SEMA5A: variants seen among roughly 807,000 people sequenced by gnomAD.
SEMA5A encodes the protein semaphorin-5A.
A neutral mutation model predicts 135.5 loss-of-function variants in SEMA5A; 55 were observed. That is an observed-to-expected ratio of 0.41 (90% CI 0.33 to 0.51). The LOEUF (loss-of-function observed/expected upper bound fraction) is 0.51. SEMA5A is among the 20% of genes least tolerant of loss of function. The pLI is 0.37. For missense variants in SEMA5A, 1,290 were observed against 1,419.9 expected (o/e 0.91, Z 1.47); for synonymous variants, 580 against 546.5 (o/e 1.06, Z -0.85).
At chr5:9,318,270 C>T in intron 5 of SEMA5A, 102 bp downstream of exon 5, 1 of 1,147,320 alleles carries the variant, frequency 8.7e-7, no homozygotes, top group South Asian at 1.6e-5. Flanking sequence ...AGCCCCTGCT[C>T]AGGCTGGATT....
At chr5:9,458,914 T>G (rs1175448487) in intron 1 of SEMA5A, among the ~76,000 whole-genome samples, 2 of 152,168 alleles carry the variant, frequency 1.3e-5, no homozygotes, top group Admixed American at 6.5e-5. Context: ...GGGACAACTT[T>G]CAGCTTCAGT....
intron 5 of SEMA5A, among the ~76,000 whole-genome samples, chr5:9,279,849 A>G (rs1291198994): frequency 6.6e-6 from 1 of 152,144 alleles, no homozygotes; most frequent in East Asian, 1.9e-4. Flanking sequence ...GCTTCCTGTT[A>G]AGCCCATGGA....
At chr5:9,502,196 C>T (rs1735635007) in intron 1 of SEMA5A, among the ~76,000 whole-genome samples, 1 of 152,164 alleles carries the variant, frequency 6.6e-6, no homozygotes, top group South Asian at 2.1e-4. Flanking sequence ...TTCCTGTGTT[C>T]AGCATGGTTA....
chr5:9,452,387 A>T (rs1758677329), intron 1 of SEMA5A, among the ~76,000 whole-genome samples: 1 of 152,186 alleles, frequency 6.6e-6, no homozygotes, highest in African/African-American at 2.4e-5. Flanking sequence ...TAGCCCTGTC[A>T]ACAGAAGTCA....
intron 11 of SEMA5A, among the ~76,000 whole-genome samples, chr5:9,156,235 T>C (rs1404855783): frequency 6.6e-6 from 1 of 152,222 alleles, no homozygotes; most frequent in Non-Finnish European, 1.5e-5. Context: ...CAAATTAATT[T>C]TGACTTGGAC....
chr5:9,165,027 A>G (rs904525991), intron 11 of SEMA5A, among the ~76,000 whole-genome samples: 3 of 152,220 alleles, frequency 2.0e-5, no homozygotes, highest in African/African-American at 7.2e-5. Context: ...GAGTGCATGA[A>G]CAATGAAAAA....
chr5:9,528,760 T>C (rs146573403), intron 1 of SEMA5A, among the ~76,000 whole-genome samples: 188 of 152,330 alleles, frequency 1.2e-3, no homozygotes, highest in African/African-American at 4.2e-3. Flanking sequence ...TTTAAGTCAC[T>C]AAATTATGGG....
intron 1 of SEMA5A, among the ~76,000 whole-genome samples, chr5:9,492,105 C>T (rs1029504211): frequency 2.0e-5 from 3 of 152,134 alleles, no homozygotes; most frequent in Admixed American, 1.3e-4. Flanking sequence ...CTTGGAACTG[C>T]GGACCCATCA....
At chr5:9,297,820 C>A (rs947139515) in intron 5 of SEMA5A, among the ~76,000 whole-genome samples, 1 of 151,920 alleles carries the variant, frequency 6.6e-6, no homozygotes, top group Non-Finnish European at 1.5e-5. Context: ...CCTTGGCCAC[C>A]CAAATCACTG....
intron 1 of SEMA5A, among the ~76,000 whole-genome samples, chr5:9,463,303 T>G (rs1014606519): frequency 3.3e-5 from 5 of 152,102 alleles, no homozygotes; most frequent in South Asian, 2.1e-4. Flanking sequence ...TAAACTGCAT[T>G]TGACAGAGTT....
intron 21 of SEMA5A, among the ~76,000 whole-genome samples, chr5:9,045,365 C>A (rs1389935278): frequency 6.6e-6 from 1 of 152,214 alleles, no homozygotes; most frequent in Non-Finnish European, 1.5e-5. Context: ...GCAAGCCAGA[C>A]TGCTTTTAGC....
intron 4 of SEMA5A, among the ~76,000 whole-genome samples, chr5:9,334,236 C>A (rs1452553168): frequency 6.6e-6 from 1 of 152,190 alleles, no homozygotes; most frequent in Non-Finnish European, 1.5e-5. Context: ...GACTATTATT[C>A]TATTTTTTCA....
intron 3 of SEMA5A, among the ~76,000 whole-genome samples, chr5:9,358,020 G>C (rs567824654): frequency 6.6e-6 from 1 of 152,256 alleles, no homozygotes; most frequent in East Asian, 1.9e-4. Flanking sequence ...TGAGACAGTG[G>C]ATCATCTGGA....
At chr5:9,278,164 G>GGA (rs1750361662) in intron 5 of SEMA5A, among the ~76,000 whole-genome samples, 1 of 151,416 alleles carries the variant, frequency 6.6e-6, no homozygotes, top group South Asian at 2.1e-4. Context: ...CTGGTAATGA[G>GGA]GAACATACTG....
intron 18 of SEMA5A, among the ~76,000 whole-genome samples, chr5:9,059,919 T>C (rs1173314401): frequency 6.6e-6 from 1 of 152,204 alleles, no homozygotes; most frequent in Non-Finnish European, 1.5e-5. Context: ...CATTTGTAAT[T>C]GTCCACTATG....
At chr5:9,453,767 GCATAATTACCA>G (rs1310739164) in intron 1 of SEMA5A, among the ~76,000 whole-genome samples, 1 of 152,118 alleles carries the variant, frequency 6.6e-6, no homozygotes, top group Non-Finnish European at 1.5e-5. Context: ...ACTTCATAGA[GCATAATTACCA>G]CATGCTCTCA....
intron 3 of SEMA5A, among the ~76,000 whole-genome samples, chr5:9,353,312 G>GAAA (rs1754276000): frequency 6.3e-5 from 4 of 63,536 alleles, no homozygotes; most frequent in Admixed American, 1.7e-4. Context: ...GGGAAGGGAA[G>GAAA]GGAAAGGAAG....
At chr5:9,096,418 T>C (rs142569445) in intron 16 of SEMA5A, among the ~76,000 whole-genome samples, 95 of 152,350 alleles carry the variant, frequency 6.2e-4, no homozygotes, top group African/African-American at 2.0e-3. Context: ...TTGTTTTTTA[T>C]ATTTCACATC....
chr5:9,310,837 G>A (rs553885771), intron 5 of SEMA5A, among the ~76,000 whole-genome samples: 226 of 147,118 alleles, frequency 1.5e-3, no homozygotes, highest in Non-Finnish European at 1.9e-3. Context: ...ATGTATATGT[G>A]TATATATATA....
Sources: gnomAD v4.1 joint callset for allele counts (sites outside exome capture counted in the v4.1 genomes callset) on GRCh38, gnomAD v4.1.1 for gene constraint, MANE v1.5 for transcripts, NCBI Gene and HGNC (gene_info 2026-07-23, HGNC 2026-07-21) for gene names.